Variants in PRKACB observed in about 807,000 individuals in gnomAD.
The protein encoded by PRKACB is protein kinase cAMP-activated catalytic subunit beta.
PRKACB carries 16 observed loss-of-function variants against 51.4 expected under a neutral mutation model. That is an observed-to-expected ratio of 0.31 (90% CI 0.21 to 0.47). PRKACB has a LOEUF of 0.47. Among genes scored for constraint, PRKACB ranks in the 20% least tolerant of loss-of-function variants. PRKACB has a pLI of 1.00. For synonymous variants in PRKACB, 147 were observed against 154.4 expected (o/e 0.95, Z 0.35); for missense variants, 309 against 464.5 (o/e 0.67, Z 3.08).
intron 1 of PRKACB, among the ~76,000 whole-genome samples, chr1:84,082,371 AT>A (rs1444772445): frequency 2.6e-5 from 4 of 152,034 alleles, no homozygotes; most frequent in Non-Finnish European, 5.9e-5. Flanking sequence ...GAAAAAGATT[AT>A]TTTTTTCTTG....
In PRKACB at chr1:84,164,556, T is replaced by G; in HGVS notation, c.188-14621T>G. ...AAAATAAAAAGGTATTTTATTTGTC[T>G]GGTGGATTAAAGCTTTAGAAAAGCT... is the stretch of plus-strand genomic sequence containing the variant. On this transcript the variant is annotated intron_variant, in intron 1 of 9. Transcript: ENST00000370685. 2.1e-6 allele frequency: 3 copies of G among 1,420,284 alleles called. No homozygotes were observed. In the South Asian group the frequency reaches 4.0e-5, roughly 19 times the overall value. 88.0% of individuals were successfully genotyped at this position (1,420,284 alleles called of 1,614,324 possible). A position where few individuals can be genotyped will look rare whatever the true frequency, so the allele number is the denominator to read the frequency against.
chr1:84,106,736 C>T (rs1436747329), intron 1 of PRKACB, among the ~76,000 whole-genome samples: 4 of 152,108 alleles, frequency 2.6e-5, no homozygotes, highest in African/African-American at 9.7e-5. Context: ...ACATTCTTCA[C>T]AGAACTAGAA....
rs1004066440 is a variant in PRKACB at position 84,219,857 on chromosome 1, T to C, written c.1071+5540T>C. ...TGCTGTTTTAGTTACTATAGCTTTATAGTATATTTTGAAGTCAGGTAGTGT... is the reference window on the plus strand; with the variant it reads ...TGCTGTTTTAGTTACTATAGCTTTACAGTATATTTTGAAGTCAGGTAGTGT... On this transcript the variant is annotated intron_variant, in intron 9 of 9. Transcript: ENST00000370685. 2.0e-5 allele frequency among the ~76,000 whole-genome samples: 3 copies of C among 152,120 alleles called. No homozygotes were observed. In the South Asian group the frequency reaches 6.2e-4, roughly 31 times the overall value.
intron 1 of PRKACB, among the ~76,000 whole-genome samples, chr1:84,106,305 G>T (rs546690297): frequency 6.6e-6 from 1 of 152,142 alleles, no homozygotes; most frequent in Non-Finnish European, 1.5e-5. Context: ...AATAGGAAGA[G>T]GGGAAGTCAC....
At chr1:84,198,113 G>C (rs1376295991) in intron 7 of PRKACB, among the ~76,000 whole-genome samples, 1 of 152,032 alleles carries the variant, frequency 6.6e-6, no homozygotes, top group Non-Finnish European at 1.5e-5. Flanking sequence ...ATTATTCCTA[G>C]TAACGGAAGG....
At chr1:84,167,518 G>A (rs1375804569) in intron 1 of PRKACB, among the ~76,000 whole-genome samples, 21 of 151,528 alleles carry the variant, frequency 1.4e-4, no homozygotes. Context: ...TACTCCCAAA[G>A]CAAACTTACA....
intron 1 of PRKACB, among the ~76,000 whole-genome samples, chr1:84,091,510 T>C (rs1648466687): frequency 6.6e-6 from 1 of 152,034 alleles, no homozygotes; most frequent in Non-Finnish European, 1.5e-5. Flanking sequence ...TTTTTGTTGT[T>C]GTTGTTGTTT....
rs188700583 is a variant in PRKACB at position 84,236,141 on chromosome 1, G to C, written c.*836G>C. ...GTTCTAAGTTTTCTAAACCTTAACTGTTCCTTAAGGATTTTAGCCAGTATT... is the reference window on the plus strand; with the variant it reads ...GTTCTAAGTTTTCTAAACCTTAACTCTTCCTTAAGGATTTTAGCCAGTATT... On this transcript the variant is annotated 3_prime_UTR_variant, in exon 10 of 10. Coordinates refer to ENST00000370685, the MANE Select transcript of PRKACB (RefSeq NM_182948.4). 27 of 152,704 alleles carry C rather than the reference G, an allele frequency of 1.8e-4. No individual in the cohort carries two copies. Among genetic ancestry groups the C allele is most frequent in the Non-Finnish European group, 3.5e-4 (24 of 68,028 alleles). 9.5% of individuals were successfully genotyped at this position (152,704 alleles called of 1,614,324 possible).
At chr1:84,221,763 GT>G (rs770916630) in intron 9 of PRKACB, among the ~76,000 whole-genome samples, 13 of 151,936 alleles carry the variant, frequency 8.6e-5, no homozygotes, top group Non-Finnish European at 1.9e-4. Context: ...CTGATTTCTA[GT>G]TTTTCCCATC....
chr1:84,201,545 T>G (rs1483988134), intron 7 of PRKACB, among the ~76,000 whole-genome samples: 14 of 152,134 alleles, frequency 9.2e-5, no homozygotes, highest in Non-Finnish European at 4.4e-5. Flanking sequence ...GCTATTCCTG[T>G]TATACCACTC....
intron 8 of PRKACB, chr1:84,205,438 T>C (rs1411489140): frequency 5.2e-6 from 1 of 193,694 alleles, no homozygotes; most frequent in Non-Finnish European, 9.4e-6. Flanking sequence ...TTTGGTCTTA[T>C]ATTTGTGGAT....
intron 1 of PRKACB, chr1:84,173,329 C>A: frequency 1.3e-6 from 2 of 1,572,064 alleles, no homozygotes; most frequent in Non-Finnish European, 8.7e-7. Flanking sequence ...TTTGATCAAG[C>A]ACGCAAATCA....
chr1:84,235,162 T>C lies in PRKACB; in HGVS notation c.1072-18T>C, dbSNP rs375647813. On this transcript the variant is annotated intron_variant, in intron 9 of 9. Coordinates refer to ENST00000370685, the MANE Select transcript of PRKACB (RefSeq NM_182948.4). ...TTTTTTTTCCTTTTTCTTATTTTTC[T>C]CTCCCTCTCAATTATAGGTTGAAGC... is the stretch of plus-strand genomic sequence containing the variant. The C allele has an allele frequency of 3.8e-6, 6 of 1,577,046 alleles. No individual in the cohort carries two copies. Among genetic ancestry groups the C allele is most frequent in the African/African-American group, 1.4e-5 (1 of 72,498 alleles).
At chr1:84,173,145 A>G (rs566398758) in intron 1 of PRKACB, among the ~76,000 whole-genome samples, 80 of 151,834 alleles carry the variant, frequency 5.3e-4, no homozygotes, top group African/African-American at 1.8e-3. Context: ...GGTTGGTTAA[A>G]AAAAAAGGAT....
chr1:84,216,495 C>T (rs1489512756), intron 9 of PRKACB, among the ~76,000 whole-genome samples: 3 of 152,116 alleles, frequency 2.0e-5, no homozygotes, highest in Admixed American at 1.3e-4. Context: ...GTTCATGAAT[C>T]ATGGCTGTCA....
intron 9 of PRKACB, among the ~76,000 whole-genome samples, chr1:84,219,726 T>C (rs1433350286): frequency 6.6e-6 from 1 of 151,712 alleles, no homozygotes; most frequent in Non-Finnish European, 1.5e-5. Flanking sequence ...CCACTGTATG[T>C]TCTTGATGCC....
chr1:84,078,237 G>C (rs1395013245), exon 1 of PRKACB: 1 of 1,457,644 alleles, frequency 6.9e-7, no homozygotes, highest in African/African-American at 1.4e-5. Context: ...GACGGGTGCA[G>C]ACGCGGGAGT....
At chr1:84,149,209 A>C (rs1654525141) in intron 1 of PRKACB, among the ~76,000 whole-genome samples, 1 of 152,156 alleles carries the variant, frequency 6.6e-6, no homozygotes, top group Admixed American at 6.5e-5. Context: ...AATGACTGTT[A>C]ATTTTTGTAT....
intron 1 of PRKACB, among the ~76,000 whole-genome samples, chr1:84,147,385 T>A (rs1006621847): frequency 1.3e-5 from 2 of 152,048 alleles, no homozygotes; most frequent in African/African-American, 4.8e-5. Context: ...GCCCATTGAA[T>A]CTGTATCATT....
Sources: gnomAD v4.1 joint callset for allele counts (sites outside exome capture counted in the v4.1 genomes callset) on GRCh38, gnomAD v4.1.1 for gene constraint, MANE v1.5 for transcripts, NCBI Gene and HGNC (gene_info 2026-07-23, HGNC 2026-07-21) for gene names.